The following MTUS2 variants were observed in gnomAD, a reference collection of about 807,000 sequenced individuals.
The protein encoded by MTUS2 is microtubule-associated tumor suppressor candidate 2.
A neutral mutation model predicts 114.1 loss-of-function variants in MTUS2; 40 were observed. The observed-to-expected ratio is 0.35, with a 90% CI of 0.27 to 0.46. The LOEUF (loss-of-function observed/expected upper bound fraction) is 0.46, where lower values mean the gene tolerates loss of function less well. Ranked by LOEUF, MTUS2 falls within the 20% of genes least tolerant of loss-of-function variation. The pLI is 1.00. For missense variants in MTUS2, 1,679 were observed against 1,705.4 expected, an observed-to-expected ratio of 0.98 and a Z score of 0.27; for synonymous variants, 688 against 672.0, an observed-to-expected ratio of 1.02 and a Z score of -0.37.
chr13:29,154,585 G>T (rs2139051308), intron 5 of MTUS2, among the ~76,000 whole-genome samples: 1 of 152,296 alleles, frequency 6.6e-6, no homozygotes, highest in South Asian at 2.1e-4. Context: ...ACACTGGAAT[G>T]CCAGACAAAA....
chr13:29,294,773 A>G (rs1898869294), intron 6 of MTUS2, among the ~76,000 whole-genome samples: 1 of 152,216 alleles, frequency 6.6e-6, no homozygotes, highest in Non-Finnish European at 1.5e-5. Context: ...TCTGAGCCTG[A>G]TTGTCCAGGG....
chr13:29,204,361 A>C (rs1895092255), intron 5 of MTUS2, among the ~76,000 whole-genome samples: 1 of 152,166 alleles, frequency 6.6e-6, no homozygotes, highest in African/African-American at 2.4e-5. Flanking sequence ...CAGGCTGCGG[A>C]TGGGCCGGGG....
chr13:28,996,453 G>A (rs1885110024), intron 2 of MTUS2, among the ~76,000 whole-genome samples: 1 of 152,160 alleles, frequency 6.6e-6, no homozygotes, highest in South Asian at 2.1e-4. Context: ...CTATTGATTG[G>A]AATAGTTTCA....
At chr13:28,983,878 C>T (rs557725698) in intron 2 of MTUS2, among the ~76,000 whole-genome samples, 18 of 152,380 alleles carry the variant, frequency 1.2e-4, no homozygotes, top group African/African-American at 3.6e-4. Context: ...TTAATCACAG[C>T]TTACCGCAGG....
At chr13:28,955,127 GACTTT>G (rs1352462541) in intron 2 of MTUS2, among the ~76,000 whole-genome samples, 1 of 152,176 alleles carries the variant, frequency 6.6e-6, no homozygotes, top group Admixed American at 6.5e-5. Flanking sequence ...AGGATCCAAA[GACTTT>G]GCCCTTTCTA....
Position 28,996,377 on chromosome 13 carries a change from T to G in MTUS2, c.-242-28080T>G, listed in dbSNP as rs538174417. Among the ~76,000 whole-genome samples, 7 of 152,334 alleles carry G rather than the reference T, an allele frequency of 4.6e-5. 1 individual carries two copies. In the East Asian group the frequency reaches 1.3e-3, roughly 29 times the overall value. ...AAATTTTCTTTTTTTGTTGTGTCTCTGCCAGGCTTTGGTATCAGGATGATG... is the reference window on the plus strand; with the variant it reads ...AAATTTTCTTTTTTTGTTGTGTCTCGGCCAGGCTTTGGTATCAGGATGATG... On this transcript the variant is annotated intron_variant, in intron 2 of 15. Transcript: ENST00000612955.
intron 5 of MTUS2, among the ~76,000 whole-genome samples, chr13:29,192,771 C>G (rs551169553): frequency 6.6e-6 from 1 of 152,180 alleles, no homozygotes; most frequent in Non-Finnish European, 1.5e-5. Context: ...TCATGATCCA[C>G]TTGAAATTTC....
At chr13:29,095,564 A>G (rs1890143097) in intron 4 of MTUS2, among the ~76,000 whole-genome samples, 1 of 81,688 alleles carries the variant, frequency 1.2e-5, no homozygotes, top group Middle Eastern at 5.2e-3. Context: ...GATTTGGACT[A>G]TGTAAATTTT....
intron 6 of MTUS2, among the ~76,000 whole-genome samples, chr13:29,300,181 A>G (rs1434838406): frequency 6.6e-6 from 1 of 152,236 alleles, no homozygotes; most frequent in Non-Finnish European, 1.5e-5. Flanking sequence ...GGAAGACATT[A>G]CAGGACATAC....
At chr13:28,911,355 T>C (rs765841030) in intron 2 of MTUS2, among the ~76,000 whole-genome samples, 24 of 151,594 alleles carry the variant, frequency 1.6e-4, no homozygotes, top group Non-Finnish European at 3.4e-4. Flanking sequence ...TTTTGTATTT[T>C]AGTAGAGACC....
At chr13:29,134,143 T>G (rs76867706) in intron 5 of MTUS2, among the ~76,000 whole-genome samples, 2,575 of 152,336 alleles carry the variant, frequency 0.017, 70 homozygotes, top group African/African-American at 0.059. Context: ...TTTTTTGATT[T>G]GTTGGTTGTT....
chr13:29,061,096 TC>T (rs750247086), intron 4 of MTUS2, among the ~76,000 whole-genome samples: 1 of 152,268 alleles, frequency 6.6e-6, no homozygotes, highest in African/African-American at 2.4e-5. Context: ...CAGCCATGTT[TC>T]TTCTTATTTC....
chr13:29,374,395 T>C (rs1367878901), intron 8 of MTUS2, among the ~76,000 whole-genome samples: 1 of 152,170 alleles, frequency 6.6e-6, no homozygotes, highest in African/African-American at 2.4e-5. Flanking sequence ...TCTAGATATA[T>C]TCTAATTAAA....
intron 4 of MTUS2, among the ~76,000 whole-genome samples, chr13:29,041,851 C>T (rs1887377531): frequency 6.6e-6 from 1 of 152,124 alleles, no homozygotes; most frequent in Admixed American, 6.6e-5. Flanking sequence ...TTTATCAGTT[C>T]TAAGAGCTTT....
At chr13:29,436,281 G>A (rs1278303149) in intron 8 of MTUS2, among the ~76,000 whole-genome samples, 4 of 152,148 alleles carry the variant, frequency 2.6e-5, no homozygotes, top group African/African-American at 9.7e-5. Context: ...GAGTGTGGAC[G>A]ATGGGTGGAA....
At chr13:28,870,358 A>C (rs1877547479) in intron 2 of MTUS2, among the ~76,000 whole-genome samples, 1 of 152,180 alleles carries the variant, frequency 6.6e-6, no homozygotes, top group Admixed American at 6.5e-5. Context: ...TTCATTATCC[A>C]CCTGGCTGGA....
chr13:28,996,173 T>C (rs553287162), intron 2 of MTUS2, among the ~76,000 whole-genome samples: 1 of 152,320 alleles, frequency 6.6e-6, no homozygotes, highest in East Asian at 1.9e-4. Flanking sequence ...TTTTTGTCTT[T>C]GGTTCTGTTT....
chr13:29,363,330 CTATT>C (rs1435362973), intron 8 of MTUS2, among the ~76,000 whole-genome samples: 2 of 152,070 alleles, frequency 1.3e-5, no homozygotes, highest in South Asian at 4.1e-4. Flanking sequence ...TTTTTCATAT[CTATT>C]CTTGTCTTCT....
At chr13:29,379,640 G>C (rs527382321) in intron 8 of MTUS2, among the ~76,000 whole-genome samples, 1 of 152,236 alleles carries the variant, frequency 6.6e-6, no homozygotes, top group African/African-American at 2.4e-5. Flanking sequence ...ACAAGTGCCT[G>C]TTCTTACCGT....
Sources: allele counts gnomAD v4.1 joint callset (sites outside exome capture counted in the v4.1 genomes callset), GRCh38; gene constraint gnomAD v4.1.1; transcripts MANE v1.5; gene names NCBI Gene and HGNC (gene_info 2026-07-23, HGNC 2026-07-21).